Variants in CNTNAP2 observed in about 807,000 individuals in gnomAD.
CNTNAP2 encodes the protein contactin associated protein 2, also known as contactin-associated protein-like 2.
A neutral mutation model predicts 155.2 loss-of-function variants in CNTNAP2; 98 were observed. The observed-to-expected ratio is 0.63, with a 90% CI of 0.54 to 0.75. The LOEUF is 0.75. Among genes scored for constraint, CNTNAP2 ranks in the 30% least tolerant of loss-of-function variants. CNTNAP2 has a pLI of 0.00. For synonymous variants in CNTNAP2, 651 were observed against 631.2 expected, an observed-to-expected ratio of 1.03 and a Z score of -0.47; for missense variants, 1,727 against 1,688.1, an observed-to-expected ratio of 1.02 and a Z score of -0.40.
In CNTNAP2 at chr7:148,011,691, G is replaced by A. The variant is rs77460279; in HGVS notation, c.2383+33702G>A. ...TGCTTTGATACATAATCTAGGTTGG[G>A]TTTATGTTCATTTATTGGCTTGGCT... On this transcript the variant is annotated intron_variant, in intron 15 of 23. Transcript: ENST00000361727. Among the ~76,000 whole-genome samples the A allele has an allele frequency of 3.2e-3, 492 of 152,306 alleles. 4 individuals are homozygous for A. Among genetic ancestry groups the A allele is most frequent in the African/African-American group, 0.011 (456 of 41,570 alleles).
chr7:146,695,639 C>G (rs1387216729), intron 1 of CNTNAP2, among the ~76,000 whole-genome samples: 1 of 151,964 alleles, frequency 6.6e-6, no homozygotes, highest in Non-Finnish European at 1.5e-5. Context: ...GTTGCCTAGT[C>G]TGGTCTTGAA....
intron 1 of CNTNAP2, among the ~76,000 whole-genome samples, chr7:146,246,431 G>GT (rs1491318887): frequency 4.0e-5 from 6 of 150,060 alleles, no homozygotes; most frequent in Non-Finnish European, 7.4e-5. Flanking sequence ...TGGCATGAGA[G>GT]TGGGGGTTTT....
At chr7:146,709,518 A>ATTTT (rs1801025805) in intron 1 of CNTNAP2, among the ~76,000 whole-genome samples, 2 of 152,222 alleles carry the variant, frequency 1.3e-5, no homozygotes, top group Non-Finnish European at 2.9e-5. Flanking sequence ...TCAAGCCTAA[A>ATTTT]GTTTGTTGCT....
At chr7:147,757,734 C>CTGA (rs1366865474) in intron 13 of CNTNAP2, among the ~76,000 whole-genome samples, 5 of 151,986 alleles carry the variant, frequency 3.3e-5, no homozygotes, top group Admixed American at 6.6e-5. Context: ...AAATCTTAGC[C>CTGA]TGGATCTTAA....
At chr7:148,141,316 T>C (rs943132420) in intron 16 of CNTNAP2, among the ~76,000 whole-genome samples, 1 of 152,264 alleles carries the variant, frequency 6.6e-6, no homozygotes, top group Non-Finnish European at 1.5e-5. Context: ...AAACATCATA[T>C]GTTTGAAAAT....
intron 22 of CNTNAP2, among the ~76,000 whole-genome samples, chr7:148,385,646 C>CTTGT (rs1254187690): frequency 6.6e-6 from 1 of 150,896 alleles, no homozygotes; most frequent in African/African-American, 2.4e-5. Context: ...TAATTAGGAA[C>CTTGT]TTGTTTGTTA....
intron 13 of CNTNAP2, among the ~76,000 whole-genome samples, chr7:147,785,997 G>GAAAGA (rs1797732952): frequency 1.3e-5 from 2 of 150,570 alleles, no homozygotes; most frequent in South Asian, 4.2e-4. Context: ...GTCTCAAAAA[G>GAAAGA]AAAGAAAAGA....
At chr7:146,498,478 A>G (rs1797251906) in intron 1 of CNTNAP2, among the ~76,000 whole-genome samples, 1 of 152,202 alleles carries the variant, frequency 6.6e-6, no homozygotes, top group Admixed American at 6.5e-5. Flanking sequence ...AGATAAAACA[A>G]TTTAATTCAC....
chr7:146,154,956 C>A (rs1195678937), intron 1 of CNTNAP2, among the ~76,000 whole-genome samples: 2 of 152,100 alleles, frequency 1.3e-5, no homozygotes, highest in African/African-American at 4.8e-5. Context: ...CTGGGATTTG[C>A]CCTCTACTGT....
intron 1 of CNTNAP2, among the ~76,000 whole-genome samples, chr7:146,140,464 T>C (rs1797860936): frequency 6.6e-6 from 1 of 152,154 alleles, no homozygotes; most frequent in South Asian, 2.1e-4. Flanking sequence ...TGAAGATCTA[T>C]GGTGAATGAA....
intron 22 of CNTNAP2, among the ~76,000 whole-genome samples, chr7:148,392,942 A>G (rs1374229584): frequency 6.6e-6 from 1 of 152,146 alleles, no homozygotes; most frequent in East Asian, 1.9e-4. Context: ...CCGTCACCAC[A>G]TCGGACACTT....
rs1273259222 is a variant in CNTNAP2 at position 147,588,476 on chromosome 7, C to A, written c.1897+26219C>A. 2.6e-5 allele frequency among the ~76,000 whole-genome samples: 4 copies of A among 152,126 alleles called. No homozygotes were observed. In the East Asian group the frequency reaches 7.7e-4, roughly 29 times the overall value. On this transcript the variant is annotated intron_variant, in intron 12 of 23. Coordinates refer to ENST00000361727, the MANE Select transcript of CNTNAP2 (RefSeq NM_014141.6). ...TCAACAGAAGCACTCTTTCTTCACC[C>A]CTTCCAGCTATAGTACCCTGAATAT...
At chr7:148,231,657 C>CTG (rs1444208734) in intron 20 of CNTNAP2, among the ~76,000 whole-genome samples, 1 of 152,128 alleles carries the variant, frequency 6.6e-6, no homozygotes, top group African/African-American at 2.4e-5. Context: ...CACAGGAGTA[C>CTG]TGGGCTCATG....
intron 8 of CNTNAP2, chr7:147,161,951 T>C (rs1802034674): frequency 6.6e-6 from 1 of 152,178 alleles, no homozygotes; most frequent in Non-Finnish European, 1.5e-5. Flanking sequence ...TAATACTTCT[T>C]CAAGGCCTTG....
chr7:146,671,016 A>G (rs1800294330), intron 1 of CNTNAP2, among the ~76,000 whole-genome samples: 2 of 152,208 alleles, frequency 1.3e-5, no homozygotes, highest in Admixed American at 6.5e-5. Context: ...GTTTATAAAC[A>G]CAACGAACTT....
intron 22 of CNTNAP2, among the ~76,000 whole-genome samples, chr7:148,391,338 G>A (rs1799343673): frequency 6.6e-6 from 1 of 152,212 alleles, no homozygotes; most frequent in Non-Finnish European, 1.5e-5. Flanking sequence ...ACACTGGGCA[G>A]TAGAGAAAGA....
chr7:148,098,724 T>TAAG (rs2116576617), intron 15 of CNTNAP2, among the ~76,000 whole-genome samples: 1 of 152,320 alleles, frequency 6.6e-6, no homozygotes, highest in African/African-American at 2.4e-5. Flanking sequence ...TTACGTGCTA[T>TAAG]GTATTCCATG....
chr7:148,188,288 A>G (rs1375040712), intron 18 of CNTNAP2, among the ~76,000 whole-genome samples: 1 of 152,176 alleles, frequency 6.6e-6, no homozygotes, highest in East Asian at 1.9e-4. Flanking sequence ...GAGGATGGTA[A>G]TACCATCTCT....
At chr7:147,361,275 A>G (rs1796143856) in intron 9 of CNTNAP2, among the ~76,000 whole-genome samples, 1 of 152,216 alleles carries the variant, frequency 6.6e-6, no homozygotes, top group Non-Finnish European at 1.5e-5. Context: ...TTAAGCTAGC[A>G]GAGTCCATGA....
Sources: gnomAD v4.1 joint callset for allele counts (sites outside exome capture counted in the v4.1 genomes callset) on GRCh38, gnomAD v4.1.1 for gene constraint, MANE v1.5 for transcripts, NCBI Gene and HGNC (gene_info 2026-07-23, HGNC 2026-07-21) for gene names.